ROCK1: variants seen among roughly 807,000 people sequenced by gnomAD.
The protein encoded by ROCK1 is rho-associated protein kinase 1.
ROCK1 carries 36 observed loss-of-function variants against 196.8 expected under a neutral mutation model. The observed-to-expected ratio is 0.18, with a 90% CI of 0.14 to 0.24. ROCK1 has a LOEUF of 0.24. Ranked by LOEUF, ROCK1 falls within the 10% of genes least tolerant of loss-of-function variation. The pLI is 1.00. For missense variants in ROCK1, 920 were observed against 1,562.0 expected (o/e 0.59, Z 6.93); for synonymous variants, 443 against 515.9 (o/e 0.86, Z 1.91).
At chr18:20,961,013 G>C (rs2035321475) in intron 27 of ROCK1, among the ~76,000 whole-genome samples, 1 of 152,088 alleles carries the variant, frequency 6.6e-6, no homozygotes, top group Non-Finnish European at 1.5e-5. Flanking sequence ...GGAATTCCTT[G>C]ACTATTTGAT....
At chr18:20,964,170 C>T (rs1441054417) in intron 27 of ROCK1, among the ~76,000 whole-genome samples, 1 of 151,978 alleles carries the variant, frequency 6.6e-6, no homozygotes. Flanking sequence ...TTTCAAAAAG[C>T]CATCATTTTA....
intron 17 of ROCK1, 54 bp from the exon 18 acceptor site, chr18:20,991,380 T>C: frequency 8.6e-7 from 1 of 1,158,918 alleles, no homozygotes; most frequent in Non-Finnish European, 1.2e-6. Flanking sequence ...GCATGCATGT[T>C]AGTAAATCTT....
At chr18:21,108,454 G>C (rs918497819) in intron 1 of ROCK1, among the ~76,000 whole-genome samples, 4 of 152,240 alleles carry the variant, frequency 2.6e-5, no homozygotes, top group African/African-American at 7.2e-5. Context: ...ATCTCCAACA[G>C]TCTACAGGTC....
chr18:20,970,016 G>C (rs2035411445), intron 23 of ROCK1: 1 of 169,992 alleles, frequency 5.9e-6, no homozygotes, highest in East Asian at 1.6e-4. Context: ...CATAAAATCA[G>C]TTGCAATGTA....
chr18:20,957,688 G>C (rs1362552065), intron 29 of ROCK1, among the ~76,000 whole-genome samples: 3 of 151,822 alleles, frequency 2.0e-5, no homozygotes, highest in African/African-American at 7.3e-5. Context: ...CACCATGTTG[G>C]CCAGACTGGT....
At chr18:21,038,658 G>A (rs2036078408) in intron 9 of ROCK1, among the ~76,000 whole-genome samples, 1 of 152,142 alleles carries the variant, frequency 6.6e-6, no homozygotes, top group Non-Finnish European at 1.5e-5. Context: ...CTAAAATAAG[G>A]TAGCTGAGTT....
intron 22 of ROCK1, among the ~76,000 whole-genome samples, chr18:20,973,698 T>A (rs1362402658): frequency 5.9e-5 from 9 of 152,212 alleles, no homozygotes; most frequent in Admixed American, 5.9e-4. Context: ...GGTACTATTC[T>A]CTACTTAGAA....
chr18:21,063,649 A>C (rs2036310137), intron 2 of ROCK1, among the ~76,000 whole-genome samples: 1 of 152,210 alleles, frequency 6.6e-6, no homozygotes, highest in Non-Finnish European at 1.5e-5. Context: ...ATTTGACTTA[A>C]ATTTACTATT....
At chr18:21,046,326 G>A (rs1036791171) in intron 4 of ROCK1, among the ~76,000 whole-genome samples, 11 of 152,136 alleles carry the variant, frequency 7.2e-5, no homozygotes, top group Admixed American at 3.3e-4. Context: ...TTTTATACCT[G>A]CTGCTTAGTC....
intron 27 of ROCK1, among the ~76,000 whole-genome samples, chr18:20,960,893 A>C (rs1488639361): frequency 2.0e-5 from 3 of 152,170 alleles, no homozygotes; most frequent in Non-Finnish European, 4.4e-5. Flanking sequence ...ACTCAAACTA[A>C]AGAGTTTTAA....
chr18:21,031,997 A>C (rs2143484845), intron 9 of ROCK1, among the ~76,000 whole-genome samples: 1 of 152,348 alleles, frequency 6.6e-6, no homozygotes, highest in Non-Finnish European at 1.5e-5. Context: ...CATCAACCAG[A>C]CCAACATACA....
At chr18:20,991,373 T>C (rs1372895860) in intron 17 of ROCK1, 47 bp from the exon 18 acceptor site, 2 of 1,263,736 alleles carry the variant, frequency 1.6e-6, no homozygotes. Context: ...GCAGAAGGCA[T>C]GCATGTTAGT....
At chr18:21,053,051 C>G (rs2036217146) in intron 2 of ROCK1, among the ~76,000 whole-genome samples, 1 of 152,150 alleles carries the variant, frequency 6.6e-6, no homozygotes, top group African/African-American at 2.4e-5. Context: ...AAACAAGAGT[C>G]AAGGAAAACA....
intron 16 of ROCK1, among the ~76,000 whole-genome samples, chr18:21,001,347 G>A (rs1031810349): frequency 3.9e-5 from 6 of 152,324 alleles, no homozygotes; most frequent in Middle Eastern, 3.4e-3. Context: ...GAACCACATA[G>A]AGGAGGTATT....
In ROCK1 at chr18:20,966,589, C is replaced by T. The variant is rs139637256; in HGVS notation, c.3352+328G>A. On this transcript the variant is annotated intron_variant, in intron 27 of 32. Coordinates refer to ENST00000399799, the MANE Select transcript of ROCK1 (RefSeq NM_005406.3). ...AGCTATTACTCACAAAAATGTACAACTTTTAAAAAATAGTGAGATGTGTAG... is the reference window on the plus strand; with the variant it reads ...AGCTATTACTCACAAAAATGTACAATTTTTAAAAAATAGTGAGATGTGTAG... 1.3e-3 allele frequency among the ~76,000 whole-genome samples: 197 copies of T among 152,300 alleles called. 1 individual carries two copies. Among genetic ancestry groups the T allele is most frequent in the African/African-American group, 4.6e-3 (190 of 41,572 alleles).
In ROCK1 at chr18:20,987,149, A is replaced by C. The variant is rs747692626; in HGVS notation, c.2144-39T>G. ...AAGTTACAAACATACATTTAAAGAAAGAGTACTTTAACACATTTCACTTTA... is the reference window on the plus strand; with the variant it reads ...AAGTTACAAACATACATTTAAAGAACGAGTACTTTAACACATTTCACTTTA... On this transcript the variant is annotated intron_variant, in intron 18 of 32. Transcript: ENST00000399799. The C allele has an allele frequency of 4.4e-6, 7 of 1,584,256 alleles. No individual in the cohort carries two copies. The African/African-American group carries it at 9.5e-5, about 22-fold the overall frequency.
At chr18:20,954,681 A>C (rs1285839216) in intron 31 of ROCK1, 102 bp downstream of exon 31, 2 of 1,181,474 alleles carry the variant, frequency 1.7e-6, no homozygotes, top group East Asian at 5.0e-5. Flanking sequence ...ACTTTCTATA[A>C]TCTCTTTTCA....
intron 9 of ROCK1, among the ~76,000 whole-genome samples, chr18:21,034,052 GA>G (rs935266559): frequency 6.4e-5 from 9 of 141,614 alleles, no homozygotes; most frequent in South Asian, 4.4e-4. Context: ...AAAAAAAAAT[GA>G]AAAAAAAAGT....
At position 20,967,928 on chromosome 18, in the gene ROCK1, A is replaced by G. The variant is rs1462389978; in HGVS notation, c.3016T>C (p.Leu1006=). The G allele has an allele frequency of 6.5e-7, 1 of 1,543,676 alleles. No homozygotes were observed. Among genetic ancestry groups the G allele is most frequent in the Admixed American group, 1.9e-5 (1 of 53,564 alleles). Residue 1006 remains leucine, a synonymous_variant, in exon 26 of 33, where the codon TTG becomes CTG. Transcript: ENST00000399799. ...RTLKTQAVNK[L]AEIMNRKDFK... ...TCTTTTCGATTCATTATTTCTGCCA[A>G]TTTGTTAACAGCCTATTAAAATATT...
Sources: allele counts gnomAD v4.1 joint callset (sites outside exome capture counted in the v4.1 genomes callset), GRCh38; gene constraint gnomAD v4.1.1; transcripts MANE v1.5; gene names NCBI Gene and HGNC (gene_info 2026-07-23, HGNC 2026-07-21).